PCDHGA1: variants seen among roughly 807,000 people sequenced by gnomAD.
The protein encoded by PCDHGA1 is protocadherin gamma-A1.
A neutral mutation model predicts 58.0 loss-of-function variants in PCDHGA1; 32 were observed. The observed-to-expected ratio is 0.55, with a 90% CI of 0.42 to 0.74. The LOEUF (loss-of-function observed/expected upper bound fraction) is 0.74, where lower values mean the gene tolerates loss of function less well. Among genes scored for constraint, PCDHGA1 ranks in the 30% least tolerant of loss-of-function variants. The pLI, the probability that PCDHGA1 is intolerant of heterozygous loss-of-function variation, is 0.00. For missense variants in PCDHGA1, 1,205 were observed against 1,182.3 expected, an observed-to-expected ratio of 1.02 and a Z score of -0.28; for synonymous variants, 498 against 501.1, an observed-to-expected ratio of 0.99 and a Z score of 0.08.
chr5:141,450,006 C>CTATTTTT lies in PCDHGA1; in HGVS notation c.2422-44800_2422-44799insATTTTTT, dbSNP rs70988802. On this transcript the variant is annotated intron_variant, in intron 1 of 3. Coordinates refer to ENST00000517417, the MANE Select transcript of PCDHGA1 (RefSeq NM_018912.3). ...CACATTGCATTTAGTTGCCATGTCTCTTTTTTTTTTTTTTTTTTGAGACAG... is the reference window on the plus strand; with the variant it reads ...CACATTGCATTTAGTTGCCATGTCTCTATTTTTTTTTTTTTTTTTTTTTTTGAGACAG... Among the ~76,000 whole-genome samples, 248 of 132,920 alleles carry CTATTTTT rather than the reference C, an allele frequency of 1.9e-3. 8 individuals carry two copies. Among genetic ancestry groups the CTATTTTT allele is most frequent in the African/African-American group, 4.3e-3 (154 of 35,586 alleles). 87.2% of individuals were successfully genotyped at this position (132,920 alleles called of 152,430 possible). A position where few individuals can be genotyped will look rare whatever the true frequency, so the allele number is the denominator to read the frequency against.
Position 141,409,903 on chromosome 5 carries a change from G to C in PCDHGA1, c.2421+76798G>C, listed in dbSNP as rs570063514. 6.2e-6 allele frequency: 10 copies of C among 1,613,268 alleles called. No individual in the cohort carries two copies. The South Asian group carries it at 9.9e-5, about 16-fold the overall frequency. ...CACCGCGGGTGCTGTACCCAGCTCTGGGTCCTGACGGCTCCGCGTTCTTCG... is the reference window on the plus strand; with the variant it reads ...CACCGCGGGTGCTGTACCCAGCTCTCGGTCCTGACGGCTCCGCGTTCTTCG... On this transcript the variant is annotated intron_variant, in intron 1 of 3. Coordinates refer to ENST00000517417, the MANE Select transcript of PCDHGA1 (RefSeq NM_018912.3).
At chr5:141,403,060 T>G (rs2094346399) in intron 1 of PCDHGA1, 2 of 1,614,042 alleles carry the variant, frequency 1.2e-6, no homozygotes, top group Non-Finnish European at 8.5e-7. Flanking sequence ...ACTCAGTGCC[T>G]GAAGAGACAG....
chr5:141,388,923 T>C (rs374663443), intron 1 of PCDHGA1: 7 of 1,614,002 alleles, frequency 4.3e-6, no homozygotes, highest in East Asian at 2.2e-5. Context: ...AGAAGTGATA[T>C]TCCAGTCTCT....
At chr5:141,371,536 A>G (rs1767830265) in intron 1 of PCDHGA1, 4 of 1,613,810 alleles carry the variant, frequency 2.5e-6, no homozygotes, top group Non-Finnish European at 3.4e-6. Flanking sequence ...TTTAATGGAG[A>G]AATCCTATGC....
At chr5:141,436,071 A>G (rs1419598304) in intron 1 of PCDHGA1, among the ~76,000 whole-genome samples, 1 of 152,222 alleles carries the variant, frequency 6.6e-6, no homozygotes. Context: ...TAATAAGTAC[A>G]GTGTTCTATA....
rs1485669709 is a variant in PCDHGA1 at position 141,432,989 on chromosome 5, G to A, written c.2422-61818G>A. On this transcript the variant is annotated intron_variant, in intron 1 of 3. Coordinates refer to ENST00000517417, the MANE Select transcript of PCDHGA1 (RefSeq NM_018912.3). The surrounding 1 kb of genome is among the most constrained non-coding windows in gnomAD (Gnocchi z 6.0). ...GCCGGCGTCGCACTTTGTGGGCGTG[G>A]ACGGGGTGCAGGCTTTCCTGCAGAC... The A allele has an allele frequency of 1.9e-6, 3 of 1,614,210 alleles. No individual in the cohort carries two copies. The highest frequency in any genetic ancestry group is 1.3e-5 in the African/African-American group (1 of 75,066).
In PCDHGA1 at chr5:141,332,695, A is replaced by G. The variant is rs1389349873; in HGVS notation, c.2011A>G (p.Ile671Val). 3.1e-6 allele frequency: 5 copies of G among 1,613,774 alleles called. No homozygotes were observed. Among genetic ancestry groups the G allele is most frequent in the Non-Finnish European group, 4.2e-6 (5 of 1,179,934 alleles). ...GGCCGTGGCCGACAGGATCTCCGACATCCTGGCCGACCTGGGCAGCCTCGA... is the reference window on the plus strand; with the variant it reads ...GGCCGTGGCCGACAGGATCTCCGACGTCCTGGCCGACCTGGGCAGCCTCGA... ...TVAVADRISD[I>V]LADLGSLEPS... Residue 671 changes from isoleucine to valine, a missense_variant, in exon 1 of 4, where the codon ATC becomes GTC. Coordinates refer to ENST00000517417, the MANE Select transcript of PCDHGA1 (RefSeq NM_018912.3). The surrounding 1 kb of genome is among the most constrained non-coding windows in gnomAD (Gnocchi z 4.6).
chr5:141,437,076 A>T (rs1018228245), intron 1 of PCDHGA1, among the ~76,000 whole-genome samples: 2 of 152,236 alleles, frequency 1.3e-5, no homozygotes, highest in African/African-American at 4.8e-5. Context: ...TTTGGGCCAT[A>T]TAAGAATTGA....
At chr5:141,364,424 C>T (rs1029173533) in intron 1 of PCDHGA1, 1 of 1,613,570 alleles carries the variant, frequency 6.2e-7, no homozygotes, top group Non-Finnish European at 8.5e-7. Context: ...CGGGCAGATC[C>T]GCTACTCGAT....
At chr5:141,340,301 G>C (rs1044939238) in intron 1 of PCDHGA1, 1 of 1,614,032 alleles carries the variant, frequency 6.2e-7, no homozygotes, top group African/African-American at 1.3e-5. Flanking sequence ...CCAGGTGGCA[G>C]ACATCAACGA....
At chr5:141,455,020 G>A (rs201196115) in intron 1 of PCDHGA1, among the ~76,000 whole-genome samples, 1 of 151,166 alleles carries the variant, frequency 6.6e-6, no homozygotes, top group African/African-American at 2.4e-5. Context: ...CACCGTGTTA[G>A]CCAGGATGGT....
intron 1 of PCDHGA1, chr5:141,433,331 C>G: frequency 1.4e-6 from 1 of 699,624 alleles, no homozygotes; most frequent in South Asian, 1.9e-5. Context: ...GTAACAGGGA[C>G]TACAGGTGCA....
At chr5:141,434,978 C>G (rs1287204052) in intron 1 of PCDHGA1, among the ~76,000 whole-genome samples, 2 of 151,700 alleles carry the variant, frequency 1.3e-5, no homozygotes, top group Non-Finnish European at 2.9e-5. Flanking sequence ...TTTGTTAATA[C>G]TCTATATCAT....
At position 141,511,426 on chromosome 5, in the gene PCDHGA1, G is replaced by C. The variant is rs2099883789; in HGVS notation, c.*253G>C. 2.5e-6 allele frequency: 2 copies of C among 798,652 alleles called. No homozygotes were observed. The highest frequency in any genetic ancestry group is 3.8e-6 in the Non-Finnish European group (2 of 529,972). 49.5% of individuals were successfully genotyped at this position (798,652 alleles called of 1,614,324 possible). ...CAACTGCTGTACCCATGGGGGTAGTGGGGTTACTGTAGACACCAAGAACCA... is the reference window on the plus strand; with the variant it reads ...CAACTGCTGTACCCATGGGGGTAGTCGGGTTACTGTAGACACCAAGAACCA... On this transcript the variant is annotated 3_prime_UTR_variant, in exon 4 of 4. Transcript: ENST00000517417.
chr5:141,366,539 G>A, intron 1 of PCDHGA1: 1 of 1,614,248 alleles, frequency 6.2e-7, no homozygotes, highest in Non-Finnish European at 8.5e-7. Flanking sequence ...GGGTGTGCCC[G>A]CCTCGCACTT....
intron 1 of PCDHGA1, among the ~76,000 whole-genome samples, chr5:141,406,791 C>T (rs893207613): frequency 2.0e-5 from 3 of 152,182 alleles, no homozygotes; most frequent in Non-Finnish European, 4.4e-5. Context: ...TATATTATTT[C>T]TGGCTCAATT....
At chr5:141,428,020 C>T (rs1443722620) in intron 1 of PCDHGA1, 1 of 1,605,408 alleles carries the variant, frequency 6.2e-7, no homozygotes, top group Admixed American at 1.7e-5. Context: ...GTGCCACGCG[C>T]CGCAGAGTCC....
intron 1 of PCDHGA1, chr5:141,397,927 G>C: frequency 1.3e-6 from 1 of 764,054 alleles, no homozygotes. Flanking sequence ...TCCTCGCGCA[G>C]CCGCAGCGCG....
At chr5:141,377,889 C>A (rs914946378) in intron 1 of PCDHGA1, 2 of 152,056 alleles carry the variant, frequency 1.3e-5, no homozygotes, top group Non-Finnish European at 2.9e-5. Flanking sequence ...AGATAGGATC[C>A]CCCTCTGTTG....
Sources: gnomAD v4.1 joint callset for allele counts (sites outside exome capture counted in the v4.1 genomes callset) on GRCh38, gnomAD v4.1.1 for gene constraint, Gnocchi (gnomAD v3.1) non-coding constraint, MANE v1.5 for transcripts, NCBI Gene and HGNC (gene_info 2026-07-23, HGNC 2026-07-21) for gene names.